ZDHHC11B: variants seen among roughly 807,000 people sequenced by gnomAD.
ZDHHC11B encodes zDHHC palmitoyltransferase 11B (putative).
A neutral mutation model predicts 42.3 loss-of-function variants in ZDHHC11B; 17 were observed. The ratio of observed to expected loss-of-function variants is 0.40; its 90% CI spans 0.27 to 0.60. ZDHHC11B has a LOEUF of 0.60. Among genes scored for constraint, ZDHHC11B ranks in the 20% least tolerant of loss-of-function variants. ZDHHC11B has a pLI of 0.41. For missense variants in ZDHHC11B, 262 were observed against 463.2 expected (o/e 0.57, Z 3.99); for synonymous variants, 123 against 193.5 (o/e 0.64, Z 3.02).
At chr5:736,333 G>A (rs1743514487) in intron 10 of ZDHHC11B, among the ~76,000 whole-genome samples, 1 of 149,780 alleles carries the variant, frequency 6.7e-6, no homozygotes, top group East Asian at 2.0e-4. Flanking sequence ...AATTCTTACA[G>A]GACATAAGAA....
chr5:777,960 C>T (rs551200154), intron 1 of ZDHHC11B, among the ~76,000 whole-genome samples: 123 of 151,954 alleles, frequency 8.1e-4, no homozygotes, highest in African/African-American at 2.8e-3. Context: ...GTCCCGAGCC[C>T]TGCCCAGCAG....
At chr5:762,315 C>T (rs1336100184) in intron 4 of ZDHHC11B, among the ~76,000 whole-genome samples, 1 of 151,934 alleles carries the variant, frequency 6.6e-6, no homozygotes, top group Admixed American at 6.6e-5. Context: ...CCCAGACAGC[C>T]ACCTACAAAC....
intron 8 of ZDHHC11B, among the ~76,000 whole-genome samples, chr5:745,674 T>C (rs1364521867): frequency 2.0e-5 from 3 of 150,086 alleles, no homozygotes; most frequent in African/African-American, 7.3e-5. Context: ...CTGGGATTGC[T>C]GGCAGGGGTA....
intron 11 of ZDHHC11B, chr5:732,516 G>A: frequency 2.7e-6 from 1 of 369,046 alleles, no homozygotes; most frequent in Non-Finnish European, 5.5e-6. Context: ...GGTTTCCACT[G>A]AGTGTCTCCA....
chr5:751,492 GTGGGGGGTGCAGA>G (rs1745721765), intron 6 of ZDHHC11B, among the ~76,000 whole-genome samples: 2 of 26,822 alleles, frequency 7.5e-5, no homozygotes, highest in African/African-American at 2.1e-4. Context: ...TGCAGGGCAG[GTGGGGGGTGCAGA>G]GGCAGGGGCA....
chr5:757,823 G>A lies in ZDHHC11B; in HGVS notation c.223-1679C>T, dbSNP rs144694410. Reference sequence around the variant, plus strand: ...GGACTGGGGAGCTGCTGCCCAGGCCGGGGTGTGGTGGGAGCTAGGCAGTGC... The same window carrying A: ...GGACTGGGGAGCTGCTGCCCAGGCCAGGGTGTGGTGGGAGCTAGGCAGTGC... On this transcript the variant is annotated intron_variant, in intron 4 of 13. Coordinates refer to ENST00000508859, the MANE Select transcript of ZDHHC11B (RefSeq NM_001351303.2). Among the ~76,000 whole-genome samples the A allele has an allele frequency of 1.8e-3, 279 of 151,712 alleles. No homozygotes were observed. The East Asian group carries it at 0.051, about 28-fold the overall frequency.
chr5:718,389 C>G (rs543443783), intron 12 of ZDHHC11B, among the ~76,000 whole-genome samples: 8 of 151,704 alleles, frequency 5.3e-5, no homozygotes, highest in Non-Finnish European at 7.4e-5. Context: ...AAAGGAGAAG[C>G]TGGGCTGGGT....
chr5:722,756 C>T (rs1742284089), intron 12 of ZDHHC11B, among the ~76,000 whole-genome samples: 1 of 151,368 alleles, frequency 6.6e-6, no homozygotes, highest in East Asian at 1.9e-4. Context: ...CCATGCCCAA[C>T]CATAGCAGAG....
At chr5:742,006 G>GT in intron 9 of ZDHHC11B, among the ~76,000 whole-genome samples, 1 of 135,294 alleles carries the variant, frequency 7.4e-6, no homozygotes, top group East Asian at 2.5e-4. Context: ...GTGTGTGGTA[G>GT]TATCTGATTG....
intron 6 of ZDHHC11B, among the ~76,000 whole-genome samples, chr5:754,072 T>TCC (rs1746165577): frequency 1.3e-5 from 1 of 75,028 alleles, no homozygotes. Context: ...AACCTCTCGT[T>TCC]CTTGAGCCTC....
chr5:775,286 C>T (rs1736380961), intron 1 of ZDHHC11B, among the ~76,000 whole-genome samples: 1 of 151,910 alleles, frequency 6.6e-6, no homozygotes, highest in Non-Finnish European at 1.5e-5. Context: ...CCCCAGAGCT[C>T]GCTCCCAGGC....
intron 1 of ZDHHC11B, among the ~76,000 whole-genome samples, chr5:777,888 C>T (rs1017411353): frequency 6.6e-6 from 1 of 151,420 alleles, no homozygotes; most frequent in African/African-American, 2.4e-5. Context: ...CCGGGAGGCC[C>T]CAGCACCGAG....
rs150079308 is a variant in ZDHHC11B at position 770,967 on chromosome 5, CT to C, written c.-229-2038del. Reference sequence around the variant, plus strand: ...AGGCCACCTCCCTACCATGCATGGGCTTCGGTAAGACCCAGTCAGGCCCTGA... The same window carrying C: ...AGGCCACCTCCCTACCATGCATGGGCTCGGTAAGACCCAGTCAGGCCCTGA... On this transcript the variant is annotated intron_variant, in intron 1 of 13. Coordinates refer to ENST00000508859, the MANE Select transcript of ZDHHC11B (RefSeq NM_001351303.2). 8.3e-3 allele frequency among the ~76,000 whole-genome samples: 1,260 copies of C among 151,618 alleles called. 6 individuals are homozygous for C. The highest frequency in any genetic ancestry group is 0.029 in the African/African-American group (1,193 of 41,136).
chr5:758,098 G>A lies in ZDHHC11B; in HGVS notation c.223-1954C>T, dbSNP rs772130315. ...TCCCGGCTGTTGTCCCCATGTACCCGCTCCCTGCAGGCTGAGCTGGGGACA... is the reference window on the plus strand; with the variant it reads ...TCCCGGCTGTTGTCCCCATGTACCCACTCCCTGCAGGCTGAGCTGGGGACA... On this transcript the variant is annotated intron_variant, in intron 4 of 13. Coordinates refer to ENST00000508859, the MANE Select transcript of ZDHHC11B (RefSeq NM_001351303.2). Among the ~76,000 whole-genome samples the A allele has an allele frequency of 2.8e-4, 42 of 151,934 alleles. 1 individual carries two copies. The highest frequency in any genetic ancestry group is 9.7e-4 in the East Asian group (5 of 5,172).
intron 4 of ZDHHC11B, among the ~76,000 whole-genome samples, chr5:762,850 G>A (rs574926817): frequency 2.0e-5 from 3 of 151,436 alleles, no homozygotes; most frequent in Admixed American, 6.6e-5. Flanking sequence ...AAACAATAGA[G>A]AAAATTAATA....
At chr5:754,334 A>AC (rs1163211096) in intron 6 of ZDHHC11B, among the ~76,000 whole-genome samples, 1 of 120,242 alleles carries the variant, frequency 8.3e-6, no homozygotes, top group Non-Finnish European at 1.8e-5. Flanking sequence ...CTCAGGGGAA[A>AC]GACCTCTCAT....
chr5:766,138 G>A (rs1364638829), intron 4 of ZDHHC11B, among the ~76,000 whole-genome samples: 1 of 151,848 alleles, frequency 6.6e-6, no homozygotes, highest in Non-Finnish European at 1.5e-5. Flanking sequence ...CATGCACCCT[G>A]GGAGATGCGA....
At chr5:751,464 GAGGCA>G (rs1232205704) in intron 6 of ZDHHC11B, among the ~76,000 whole-genome samples, 20 of 28,218 alleles carry the variant, frequency 7.1e-4, no homozygotes, top group Non-Finnish European at 1.0e-3. Flanking sequence ...CAGGGCATCT[GAGGCA>G]GGGGCGGGGG....
At chr5:749,890 C>T (rs534148011) in intron 7 of ZDHHC11B, among the ~76,000 whole-genome samples, 47 of 122,672 alleles carry the variant, frequency 3.8e-4, no homozygotes, top group African/African-American at 1.3e-3. Flanking sequence ...GTCAGGGCCT[C>T]GCCAGGGTGG....
Sources: gnomAD v4.1 joint callset for allele counts (sites outside exome capture counted in the v4.1 genomes callset) on GRCh38, gnomAD v4.1.1 for gene constraint, MANE v1.5 for transcripts, NCBI Gene and HGNC (gene_info 2026-07-23, HGNC 2026-07-21) for gene names.